PCDHGA3: variants seen among roughly 807,000 people sequenced by gnomAD.
PCDHGA3 encodes protocadherin gamma subfamily A, 3, also known as protocadherin gamma-A3.
In PCDHGA3, 40 loss-of-function variants were observed where a neutral mutation model predicts 58.5. That is an observed-to-expected ratio of 0.68 (90% confidence interval 0.53 to 0.89). The LOEUF (loss-of-function observed/expected upper bound fraction) is 0.89. PCDHGA3 is among the 40% of genes least tolerant of loss of function. The probability of loss-of-function intolerance (pLI) is 0.00; values close to 1 mark genes in which losing one functional copy is unlikely to be tolerated. For synonymous variants in PCDHGA3, 530 were observed against 525.7 expected (o/e 1.01, Z -0.11); for missense variants, 1,223 against 1,195.9 (o/e 1.02, Z -0.33).
chr5:141,393,136 C>A (rs1188231861), intron 1 of PCDHGA3: 3 of 1,613,306 alleles, frequency 1.9e-6, no homozygotes, highest in Admixed American at 1.7e-5. Flanking sequence ...AATATTAACA[C>A]CCTGGTTGAG....
In PCDHGA3 at chr5:141,351,289, G is replaced by A. The variant is rs1197454065; in HGVS notation, c.2424+4832G>A. 5 of 1,613,794 alleles carry A rather than the reference G, an allele frequency of 3.1e-6. No individual in the cohort carries two copies. The African/African-American group carries it at 4.0e-5, about 13-fold the overall frequency. The stretch of plus-strand genomic sequence containing the variant: ...ACGAGAATGACAATGCCCCAGAGGT[G>A]ACATTCATGTCCTTCTCTAACCAGA... On this transcript the variant is annotated intron_variant, in intron 1 of 3. Coordinates refer to ENST00000253812, the MANE Select transcript of PCDHGA3 (RefSeq NM_018916.4).
At chr5:141,372,252 G>A (rs768560692) in intron 1 of PCDHGA3, 4 of 1,613,140 alleles carry the variant, frequency 2.5e-6, no homozygotes, top group Admixed American at 1.7e-5. Context: ...GTTCAGCCTG[G>A]GCCTGCGCAC....
intron 1 of PCDHGA3, chr5:141,433,165 C>T: frequency 2.5e-6 from 4 of 1,613,470 alleles, no homozygotes; most frequent in Non-Finnish European, 2.5e-6. Context: ...TTTCTAAAGA[C>T]AGTCATGGGT....
intron 1 of PCDHGA3, chr5:141,383,815 G>T (rs1221512502): frequency 1.2e-6 from 2 of 1,613,964 alleles, no homozygotes; most frequent in Non-Finnish European, 1.7e-6. Context: ...AACTTTAGAA[G>T]GATTAGATTA....
chr5:141,499,616 C>T (rs538268323), intron 2 of PCDHGA3, among the ~76,000 whole-genome samples: 2 of 152,058 alleles, frequency 1.3e-5, no homozygotes, highest in South Asian at 4.2e-4. Context: ...CTTATCCTGT[C>T]CTTGGATTCT....
At chr5:141,478,305 C>G in intron 1 of PCDHGA3, 1 of 1,614,092 alleles carries the variant, frequency 6.2e-7, no homozygotes, top group Non-Finnish European at 8.5e-7. Context: ...TACCGAGCCC[C>G]GGTGAGCTCA....
Position 141,345,940 on chromosome 5 carries a change from A to G in PCDHGA3, c.1907A>G (p.Asp636Gly), listed in dbSNP as rs370686911. 3.7e-6 allele frequency: 6 copies of G among 1,613,262 alleles called. No homozygotes were observed. The highest frequency in any genetic ancestry group is 5.1e-6 in the Non-Finnish European group (6 of 1,179,824). ...VRTARALLDR[D>G]ALKQSLVVAV... The stretch of plus-strand genomic sequence containing the variant: ...ACGGCGCGAGCCCTGCTGGACAGAG[A>G]CGCGCTCAAGCAGAGCCTCGTGGTG... Residue 636 changes from aspartate (D) to glycine (G), a missense_variant, in exon 1 of 4, where the codon GAC becomes GGC. Asp to Gly is a moderately conservative substitution (Grantham distance 94). Around this residue, in one of 3 missense-constraint regions of PCDHGA3, gnomAD observed 107 missense variants for 159.8 expected, o/e 0.67. Coordinates refer to ENST00000253812, the MANE Select transcript of PCDHGA3 (RefSeq NM_018916.4).
chr5:141,388,335 C>A (rs67622091), intron 1 of PCDHGA3: 89,774 of 1,613,756 alleles, frequency 0.056, 3,043 homozygotes, highest in African/African-American at 0.15. Context: ...GCCTGGCACA[C>A]GATTTATATT....
intron 1 of PCDHGA3, chr5:141,393,251 G>T: frequency 5.6e-6 from 9 of 1,613,814 alleles, no homozygotes; most frequent in Non-Finnish European, 6.8e-6. Flanking sequence ...ACGAAATCGC[G>T]GTTCCTGGAG....
intron 1 of PCDHGA3, chr5:141,361,678 T>A (rs192424877): frequency 1.1e-5 from 17 of 1,613,474 alleles, no homozygotes; most frequent in Non-Finnish European, 1.4e-5. Flanking sequence ...CGGGGTGGTG[T>A]TCGCGCAGCG....
At chr5:141,417,345 A>G (rs937116752) in intron 1 of PCDHGA3, 3 of 153,022 alleles carry the variant, frequency 2.0e-5, no homozygotes, top group African/African-American at 7.2e-5. Flanking sequence ...GAGACCTATA[A>G]ACCTTCATGC....
In PCDHGA3 at chr5:141,432,782, C is replaced by A. The variant is rs547164205; in HGVS notation, c.2425-62025C>A. 6.2e-7 allele frequency: 1 copy of A among 1,614,164 alleles called. No homozygotes were observed. Among genetic ancestry groups the A allele is most frequent in the African/African-American group, 1.3e-5 (1 of 75,052 alleles). ...CAGCATCCCCCAAGTCCTGGCGGAC[C>A]TCGGCAGCCTCGAGTCTCCAGCTAA... On this transcript the variant is annotated intron_variant, in intron 1 of 3. Coordinates refer to ENST00000253812, the MANE Select transcript of PCDHGA3 (RefSeq NM_018916.4). This position sits in a 1 kb window ranked among gnomAD's most constrained non-coding sequence, Gnocchi z 6.0.
rs1562065751 is a variant in PCDHGA3, at chr5:141,477,907, C to T, written c.2425-16900C>T. The T allele has an allele frequency of 1.9e-6, 3 of 1,614,164 alleles. No homozygotes were observed. The highest frequency in any genetic ancestry group is 2.2e-5 in the East Asian group (1 of 44,872). ...TAGTGTCACGGGTGGTAGGCTGGGA[C>T]GCGGATGCAGGGCACAATGCCTGGC... On this transcript the variant is annotated intron_variant, in intron 1 of 3. Transcript: ENST00000253812. This position sits in a 1 kb window ranked among gnomAD's most constrained non-coding sequence, Gnocchi z 4.9.
intron 1 of PCDHGA3, chr5:141,421,852 C>T: frequency 6.2e-7 from 1 of 1,613,770 alleles, no homozygotes; most frequent in South Asian, 1.1e-5. Context: ...AGAGGCTGCT[C>T]ACCTGCTCCT....
intron 1 of PCDHGA3, chr5:141,396,416 C>T (rs1336875388): frequency 6.6e-6 from 1 of 152,140 alleles, no homozygotes; most frequent in Non-Finnish European, 1.5e-5. Flanking sequence ...GTCAGGAGTT[C>T]AAGATCAGCC....
At chr5:141,496,760 G>A (rs144857340) in intron 2 of PCDHGA3, among the ~76,000 whole-genome samples, 4 of 152,108 alleles carry the variant, frequency 2.6e-5, no homozygotes, top group East Asian at 1.9e-4. Context: ...AATATTTATC[G>A]AGCATCTACT....
intron 1 of PCDHGA3, among the ~76,000 whole-genome samples, chr5:141,425,555 A>T (rs1282440598): frequency 6.6e-6 from 1 of 152,270 alleles, no homozygotes; most frequent in African/African-American, 2.4e-5. Flanking sequence ...AACCTCTTTT[A>T]TAAGTGATAA....
chr5:141,371,078 C>T lies in PCDHGA3; in HGVS notation c.2424+24621C>T, dbSNP rs776361776. Reference sequence around the variant, plus strand: ...CCTCCAGAAGCTGTACCACCCAGATCAGGGTAATTGTCGCAGATGCAAATG... The same window carrying T: ...CCTCCAGAAGCTGTACCACCCAGATTAGGGTAATTGTCGCAGATGCAAATG... On this transcript the variant is annotated intron_variant, in intron 1 of 3. Transcript: ENST00000253812. 1.9e-6 allele frequency: 3 copies of T among 1,613,770 alleles called. No homozygotes were observed. In the African/African-American group the frequency reaches 4.0e-5, roughly 22 times the overall value.
Position 141,432,602 on chromosome 5 carries a change from G to A in PCDHGA3, c.2425-62205G>A. The A allele has an allele frequency of 6.2e-7, 1 of 1,613,966 alleles. No homozygotes were observed. Among genetic ancestry groups the A allele is most frequent in the Non-Finnish European group, 8.5e-7 (1 of 1,179,972 alleles). On this transcript the variant is annotated intron_variant, in intron 1 of 3. Transcript: ENST00000253812. This position sits in a 1 kb window ranked among gnomAD's most constrained non-coding sequence, Gnocchi z 6.0. ...CCGTCTGCTCAAGGCCAGCGAGCCG[G>A]GACTCTTCTCGGTGGGTCTGCACAC...
Sources: gnomAD v4.1 joint callset for allele counts (sites outside exome capture counted in the v4.1 genomes callset) on GRCh38, gnomAD v4.1.1 for gene constraint, gnomAD v4.1.1 regional missense constraint, Gnocchi (gnomAD v3.1) non-coding constraint, MANE v1.5 for transcripts, NCBI Gene and HGNC (gene_info 2026-07-23, HGNC 2026-07-21) for gene names.